Variants in MED13L observed in about 807,000 individuals in gnomAD.
MED13L encodes the protein mediator of RNA polymerase II transcription subunit 13-like.
A neutral mutation model predicts 220.9 loss-of-function variants in MED13L; 7 were observed. That is an observed-to-expected ratio of 0.03 (90% CI 0.02 to 0.06). The LOEUF (loss-of-function observed/expected upper bound fraction) is 0.06. Among genes scored for constraint, MED13L ranks in the 10% least tolerant of loss-of-function variants. The pLI, the probability that MED13L is intolerant of heterozygous loss-of-function variation, is 1.00. For synonymous variants in MED13L, 1,011 were observed against 1,015.2 expected, an observed-to-expected ratio of 1.00 and a Z score of 0.08; for missense variants, 1,965 against 2,760.5, an observed-to-expected ratio of 0.71 and a Z score of 6.46.
At position 116,065,698 on chromosome 12, in the gene MED13L, C is replaced by T. The variant is rs570756823; in HGVS notation, c.479+30971G>A. ...AAGAGGCCTAATATTGCATGGTCAGCGAAGAGGAAAAGTCAAAGAAGTCTT... is the reference window on the plus strand; with the variant it reads ...AAGAGGCCTAATATTGCATGGTCAGTGAAGAGGAAAAGTCAAAGAAGTCTT... On this transcript the variant is annotated intron_variant, in intron 4 of 30. Coordinates refer to ENST00000281928, the MANE Select transcript of MED13L (RefSeq NM_015335.5). Among the ~76,000 whole-genome samples, 11 of 152,242 alleles carry T rather than the reference C, an allele frequency of 7.2e-5. 3 individuals are homozygous for T. The highest frequency in any genetic ancestry group is 1.9e-4 in the African/African-American group (8 of 41,562).
intron 21 of MED13L, 111 bp downstream of exon 21, chr12:115,983,006 A>G (rs1191958243): frequency 3.4e-6 from 4 of 1,188,258 alleles, no homozygotes; most frequent in Admixed American, 3.8e-5. Flanking sequence ...AGAGAAATAG[A>G]GCACTTCATA....
chr12:116,194,396 C>T (rs1311111876), intron 2 of MED13L, among the ~76,000 whole-genome samples: 2 of 152,084 alleles, frequency 1.3e-5, no homozygotes, highest in Admixed American at 6.5e-5. Context: ...AACTCCCGAC[C>T]TCAGGTGAGC....
intron 2 of MED13L, among the ~76,000 whole-genome samples, chr12:116,220,971 G>C (rs1868375450): frequency 6.6e-6 from 1 of 152,018 alleles, no homozygotes; most frequent in Non-Finnish European, 1.5e-5. Flanking sequence ...GTTCAACTAG[G>C]TTAAGTTAAC....
intron 4 of MED13L, among the ~76,000 whole-genome samples, chr12:116,089,393 A>G (rs1358286269): frequency 9.2e-5 from 14 of 152,186 alleles, no homozygotes. Context: ...AATATAAACC[A>G]GAAACTAAAT....
chr12:116,003,909 A>G (rs1222487968), intron 13 of MED13L, among the ~76,000 whole-genome samples: 4 of 152,214 alleles, frequency 2.6e-5, no homozygotes, highest in South Asian at 2.1e-4. Context: ...TAAACCGCTC[A>G]TGTGATTAAA....
intron 21 of MED13L, 50 bp downstream of exon 21, chr12:115,983,067 G>C (rs974275102): frequency 6.3e-7 from 1 of 1,580,084 alleles, no homozygotes; most frequent in East Asian, 2.2e-5. Flanking sequence ...AAGAAGAAGA[G>C]AGAAAGGGTC....
At chr12:116,148,074 A>AGG (rs1555216253) in intron 2 of MED13L, among the ~76,000 whole-genome samples, 1 of 98,332 alleles carries the variant, frequency 1.0e-5, no homozygotes, top group African/African-American at 3.9e-5. Flanking sequence ...AAAAAAAAAA[A>AGG]GAGGGGGGCG....
intron 2 of MED13L, among the ~76,000 whole-genome samples, chr12:116,131,768 C>A (rs546754167): frequency 1.3e-5 from 2 of 152,284 alleles, no homozygotes; most frequent in South Asian, 4.1e-4. Context: ...CGCTTCAGCT[C>A]AGGAGCTCAA....
intron 4 of MED13L, among the ~76,000 whole-genome samples, chr12:116,042,336 G>A (rs1161905209): frequency 6.6e-6 from 1 of 152,244 alleles, no homozygotes; most frequent in Non-Finnish European, 1.5e-5. Context: ...TGGAAGGGAT[G>A]AGGGGCAGGA....
At chr12:116,207,492 C>T (rs1357048428) in intron 2 of MED13L, among the ~76,000 whole-genome samples, 1 of 152,104 alleles carries the variant, frequency 6.6e-6, no homozygotes. Context: ...CCTAAAGAGG[C>T]ATTTCTCAGA....
At chr12:116,163,566 T>C (rs1277760469) in intron 2 of MED13L, among the ~76,000 whole-genome samples, 1 of 152,098 alleles carries the variant, frequency 6.6e-6, no homozygotes, top group Non-Finnish European at 1.5e-5. Flanking sequence ...GGTTTCACCA[T>C]GTTGGTCAGG....
chr12:115,970,107 G>A (rs1565984596), intron 27 of MED13L, among the ~76,000 whole-genome samples: 4 of 152,154 alleles, frequency 2.6e-5, no homozygotes, highest in Admixed American at 1.3e-4. Context: ...GCTGTGTTGA[G>A]TGTTTTATAG....
intron 15 of MED13L, 82 bp downstream of exon 15, chr12:115,996,928 G>A: frequency 1.4e-6 from 2 of 1,409,844 alleles, no homozygotes; most frequent in Non-Finnish European, 2.0e-6. Context: ...ATGGCACACA[G>A]ACAATACCAT....
chr12:116,052,907 G>A (rs1369677904), intron 4 of MED13L, among the ~76,000 whole-genome samples: 1 of 152,174 alleles, frequency 6.6e-6, no homozygotes, highest in Non-Finnish European at 1.5e-5. Flanking sequence ...AAAGTCAAAT[G>A]CATTTCAGTA....
intron 1 of MED13L, among the ~76,000 whole-genome samples, chr12:116,272,678 TA>T (rs1873479041): frequency 6.6e-6 from 1 of 152,154 alleles, no homozygotes; most frequent in African/African-American, 2.4e-5. Flanking sequence ...AGGCCCTACC[TA>T]ACTTCTTCCC....
chr12:116,262,077 T>C lies in MED13L; in HGVS notation c.72+14983A>G, dbSNP rs560053641. ...CTCCCAATTCCTTCATGTCCTTCAA[T>C]TGGCCATCAAACATCACATTATCTT... On this transcript the variant is annotated intron_variant, in intron 1 of 30. Transcript: ENST00000281928. 9.8e-5 allele frequency among the ~76,000 whole-genome samples: 15 copies of C among 152,336 alleles called. 1 individual carries two copies. The East Asian group carries it at 2.1e-3, about 22-fold the overall frequency.
At chr12:116,243,612 G>A (rs1317555025) in intron 1 of MED13L, among the ~76,000 whole-genome samples, 1 of 151,796 alleles carries the variant, frequency 6.6e-6, no homozygotes. Context: ...GTGACCCACA[G>A]CAACTAGATC....
intron 18 of MED13L, 36 bp from the exon 19 acceptor site, chr12:115,986,525 A>T (rs1877702216): frequency 6.3e-7 from 1 of 1,593,822 alleles, no homozygotes; most frequent in Non-Finnish European, 8.6e-7. Flanking sequence ...GGTGCTAGAG[A>T]GTTTTTCCCA....
At chr12:116,035,475 T>C (rs1881127236) in intron 4 of MED13L, among the ~76,000 whole-genome samples, 1 of 152,212 alleles carries the variant, frequency 6.6e-6, no homozygotes, top group Non-Finnish European at 1.5e-5. Context: ...TACATTTTCC[T>C]ATCATTTATA....
Sources: gnomAD v4.1 joint callset for allele counts (sites outside exome capture counted in the v4.1 genomes callset) on GRCh38, gnomAD v4.1.1 for gene constraint, MANE v1.5 for transcripts, NCBI Gene and HGNC (gene_info 2026-07-23, HGNC 2026-07-21) for gene names.